The following DSCAM variants were observed in gnomAD, a reference collection of about 807,000 sequenced individuals.
The protein encoded by DSCAM is DS cell adhesion molecule.
DSCAM carries 47 observed loss-of-function variants against 217.7 expected under a neutral mutation model. That is an observed-to-expected ratio of 0.22 (90% CI 0.17 to 0.28). DSCAM has a LOEUF of 0.28. Ranked by LOEUF, DSCAM falls within the 10% of genes least tolerant of loss-of-function variation. The pLI is 1.00. For missense variants in DSCAM, 2,080 were observed against 2,618.3 expected, an observed-to-expected ratio of 0.79 and a Z score of 4.49; for synonymous variants, 1,056 against 1,015.3, an observed-to-expected ratio of 1.04 and a Z score of -0.76.
At chr21:40,321,814 C>T (rs2074262743) in intron 8 of DSCAM, among the ~76,000 whole-genome samples, 1 of 152,132 alleles carries the variant, frequency 6.6e-6, no homozygotes. Flanking sequence ...TCCTTTGTGT[C>T]AGCCATAGGG....
chr21:40,415,763 A>G (rs984387887), intron 3 of DSCAM, among the ~76,000 whole-genome samples: 5 of 152,054 alleles, frequency 3.3e-5, no homozygotes, highest in African/African-American at 1.2e-4. Context: ...ACCCTCTTCG[A>G]GGGTCTTCTC....
intron 3 of DSCAM, among the ~76,000 whole-genome samples, chr21:40,422,675 CTA>C (rs1491167306): frequency 1.3e-5 from 2 of 152,154 alleles, no homozygotes; most frequent in African/African-American, 4.8e-5. Context: ...CATGTAAAGT[CTA>C]TTTTTTAAAA....
chr21:40,472,747 A>G (rs1246294579), intron 3 of DSCAM, among the ~76,000 whole-genome samples: 3 of 152,220 alleles, frequency 2.0e-5, no homozygotes, highest in African/African-American at 7.2e-5. Flanking sequence ...TTTTTTAAAA[A>G]GACCTCATAC....
At chr21:40,214,112 G>C (rs2091215120) in intron 11 of DSCAM, among the ~76,000 whole-genome samples, 1 of 152,190 alleles carries the variant, frequency 6.6e-6, no homozygotes, top group Non-Finnish European at 1.5e-5. Flanking sequence ...TAGAGAACAA[G>C]GCATCCCTTC....
intron 3 of DSCAM, among the ~76,000 whole-genome samples, chr21:40,378,885 G>A (rs1454600873): frequency 6.6e-6 from 1 of 152,012 alleles, no homozygotes; most frequent in African/African-American, 2.4e-5. Flanking sequence ...GAGCCACCGC[G>A]CCCGGCCAAC....
chr21:40,688,302 G>T (rs780838312), intron 3 of DSCAM, among the ~76,000 whole-genome samples: 3 of 152,154 alleles, frequency 2.0e-5, no homozygotes, highest in African/African-American at 4.8e-5. Flanking sequence ...ACGGAAGGCT[G>T]GGCTCTCTTA....
intron 2 of DSCAM, among the ~76,000 whole-genome samples, chr21:40,695,850 T>C (rs1183767037): frequency 6.6e-6 from 1 of 152,162 alleles, no homozygotes; most frequent in Non-Finnish European, 1.5e-5. Context: ...AATCAGGGTT[T>C]TATTAAAGCT....
At chr21:40,457,121 T>C (rs1021322592) in intron 3 of DSCAM, among the ~76,000 whole-genome samples, 2 of 152,092 alleles carry the variant, frequency 1.3e-5, no homozygotes, top group Non-Finnish European at 2.9e-5. Flanking sequence ...GAAAAACCAA[T>C]AAAAATATAA....
At chr21:40,737,152 A>G (rs964754575) in intron 1 of DSCAM, among the ~76,000 whole-genome samples, 2 of 152,196 alleles carry the variant, frequency 1.3e-5, no homozygotes, top group East Asian at 3.8e-4. Flanking sequence ...TTACTAATGG[A>G]TTGCTTTACT....
intron 1 of DSCAM, among the ~76,000 whole-genome samples, chr21:40,840,672 A>T (rs530823436): frequency 4.5e-4 from 69 of 152,316 alleles, no homozygotes; most frequent in African/African-American, 1.6e-3. Context: ...CCCAAGCCAC[A>T]GGCGTTTCTG....
intron 3 of DSCAM, among the ~76,000 whole-genome samples, chr21:40,540,150 T>C (rs1248661281): frequency 1.3e-5 from 2 of 152,134 alleles, no homozygotes; most frequent in African/African-American, 2.4e-5. Context: ...TTCTGGGCCG[T>C]TCCTCCTACA....
intron 1 of DSCAM, among the ~76,000 whole-genome samples, chr21:40,739,954 A>ATTTTTTTT (rs56815777): frequency 1.7e-5 from 1 of 58,926 alleles, no homozygotes; most frequent in Non-Finnish European, 2.9e-5. Context: ...TGCAGGTGTA[A>ATTTTTTTT]TTTTTTTTTT....
intron 19 of DSCAM, among the ~76,000 whole-genome samples, chr21:40,131,400 T>TCTCTTCTTC (rs1007157720): frequency 6.6e-5 from 10 of 152,226 alleles, no homozygotes; most frequent in Non-Finnish European, 1.2e-4. Context: ...TTCTAGTTCT[T>TCTCTTCTTC]CTCTTCTTCC....
chr21:40,823,077 G>C (rs1299036790), intron 1 of DSCAM, among the ~76,000 whole-genome samples: 2 of 152,034 alleles, frequency 1.3e-5, no homozygotes, highest in East Asian at 1.9e-4. Context: ...TTGAACCCGG[G>C]AGGCAGAAGT....
At chr21:40,627,904 T>C (rs1256670994) in intron 3 of DSCAM, among the ~76,000 whole-genome samples, 1 of 152,208 alleles carries the variant, frequency 6.6e-6, no homozygotes, top group Non-Finnish European at 1.5e-5. Context: ...AGAGTTTTTC[T>C]GCTGTGTTTT....
At chr21:40,500,362 T>C (rs1288775964) in intron 3 of DSCAM, among the ~76,000 whole-genome samples, 1 of 152,204 alleles carries the variant, frequency 6.6e-6, no homozygotes, top group Admixed American at 6.5e-5. Context: ...TCTATGTCTT[T>C]ATGTCTTTCA....
intron 3 of DSCAM, among the ~76,000 whole-genome samples, chr21:40,608,153 TCTG>T (rs1259682858): frequency 6.6e-6 from 1 of 152,196 alleles, no homozygotes; most frequent in African/African-American, 2.4e-5. Flanking sequence ...CCTCATGAAT[TCTG>T]CTGAAGTATT....
chr21:40,044,428 T>C (rs1268950901), intron 30 of DSCAM, among the ~76,000 whole-genome samples, 153 bp from the exon 31 acceptor site: 1 of 152,198 alleles, frequency 6.6e-6, no homozygotes, highest in African/African-American at 2.4e-5. Flanking sequence ...GAGGATACTT[T>C]CCCTTTCCTT....
chr21:40,442,196 T>C (rs1601647107), intron 3 of DSCAM, among the ~76,000 whole-genome samples: 1 of 152,136 alleles, frequency 6.6e-6, no homozygotes, highest in Admixed American at 6.5e-5. Context: ...TATAAAATGT[T>C]AGGCACTGCA....
Sources: allele counts gnomAD v4.1 joint callset (sites outside exome capture counted in the v4.1 genomes callset), GRCh38; gene constraint gnomAD v4.1.1; transcripts MANE v1.5; gene names NCBI Gene and HGNC (gene_info 2026-07-23, HGNC 2026-07-21).